CPSF4: variants seen among roughly 807,000 people sequenced by gnomAD.
CPSF4 encodes cleavage and polyadenylation specific factor 4, also known as cleavage and polyadenylation specificity factor subunit 4.
A neutral mutation model predicts 37.7 loss-of-function variants in CPSF4; 11 were observed. The observed-to-expected ratio is 0.29, with a 90% confidence interval of 0.18 to 0.48. The LOEUF is 0.48. CPSF4 is among the 20% of genes least tolerant of loss of function. The probability of loss-of-function intolerance (pLI) is 0.99; values close to 1 mark genes in which losing one functional copy is unlikely to be tolerated. For missense variants in CPSF4, 144 were observed against 359.5 expected (o/e 0.40, Z 4.85); for synonymous variants, 132 against 135.9 (o/e 0.97, Z 0.20).
chr7:99,441,665 G>GAT (rs1318324656), intron 1 of CPSF4, among the ~76,000 whole-genome samples: 1 of 151,986 alleles, frequency 6.6e-6, no homozygotes, highest in Non-Finnish European at 1.5e-5. Context: ...AACCTCTAAA[G>GAT]AGAGAGACCA....
chr7:99,451,305 C>T (rs1222659641), intron 5 of CPSF4, among the ~76,000 whole-genome samples: 2 of 152,178 alleles, frequency 1.3e-5, no homozygotes, highest in African/African-American at 2.4e-5. Flanking sequence ...GGTGGTGGCA[C>T]CTGGTCAAAG....
At position 99,440,666 on chromosome 7, in the gene CPSF4, ATATATATATT is replaced by A. The variant is rs1473172017; in HGVS notation, c.103+1483_103+1492del. Among the ~76,000 whole-genome samples, 254 of 85,350 alleles carry A rather than the reference ATATATATATT, an allele frequency of 3.0e-3. 9 individuals carry two copies. Among genetic ancestry groups the A allele is most frequent in the African/African-American group, 0.025 (246 of 9,716 alleles). The allele number at this position is 85,350 out of a possible 152,430, so 56.0% of individuals were successfully genotyped here. A position where few individuals can be genotyped will look rare whatever the true frequency, so the allele number is the denominator to read the frequency against. On this transcript the variant is annotated intron_variant, in intron 1 of 7. Transcript: ENST00000292476. ...GCCACTGCACCTGGCATATATATAT[ATATATATATT>A]TTTTTTTTTTTTTTTTTCCTGCCTG...
intron 1 of CPSF4, among the ~76,000 whole-genome samples, chr7:99,440,674 A>ATATATATATATTTTTTTTT: frequency 5.9e-4 from 52 of 88,064 alleles, no homozygotes; most frequent in East Asian, 4.4e-3. Flanking sequence ...ATATATATAT[A>ATATATATATATTTTTTTTT]TTTTTTTTTT....
chr7:99,440,661 T>TGC, intron 1 of CPSF4, among the ~76,000 whole-genome samples: 1 of 100,128 alleles, frequency 1.0e-5, no homozygotes, highest in Non-Finnish European at 1.7e-5. Context: ...CTGGCATATA[T>TGC]ATATATATAT....
Position 99,452,447 on chromosome 7 carries a change from T to A in CPSF4, c.570+7T>A. 1 of 1,612,806 alleles carries A rather than the reference T, an allele frequency of 6.2e-7. No individual in the cohort carries two copies. On this transcript the variant is annotated splice_region_variant and intron_variant, in intron 6 of 7. Transcript: ENST00000292476. ...GACACAGCCTCCAGCAAAGGTACCG[T>A]GCCTGGCCTTCCTCGGTAGGAAGGA... is the stretch of plus-strand genomic sequence containing the variant.
intron 7 of CPSF4, among the ~76,000 whole-genome samples, chr7:99,454,419 A>C (rs1403964514): frequency 6.6e-6 from 1 of 152,190 alleles, no homozygotes; most frequent in Non-Finnish European, 1.5e-5. Flanking sequence ...GGCCGGGAAC[A>C]AAATAGAAAC....
chr7:99,452,440 G>A lies in CPSF4; in HGVS notation c.570G>A (p.Lys190=). The A allele has an allele frequency of 6.2e-7, 1 of 1,613,734 alleles. No homozygotes were observed. Among genetic ancestry groups the A allele is most frequent in the Non-Finnish European group, 8.5e-7 (1 of 1,179,802 alleles). ...PLPQQTQPPA[K]QSNNPPLQRS... is the part of the protein sequence containing the mutation. ...CGCAGCAGACACAGCCTCCAGCAAA[G>A]GTACCGTGCCTGGCCTTCCTCGGTA... Residue 190 remains lysine, a splice_region_variant and synonymous_variant, in exon 6 of 8, where the codon AAG becomes AAA. Transcript: ENST00000292476.
chr7:99,450,436 T>C lies in CPSF4; in HGVS notation c.403+65T>C, dbSNP rs774911662. 170 of 1,176,266 alleles carry C rather than the reference T, an allele frequency of 1.4e-4. 1 individual carries two copies. The highest frequency in any genetic ancestry group is 4.1e-4 in the Middle Eastern group (2 of 4,928). The allele number at this position is 1,176,266 out of a possible 1,614,324, so 72.9% of individuals were successfully genotyped here. A position where few individuals can be genotyped will look rare whatever the true frequency, so the allele number is the denominator to read the frequency against. ...GTCCTCCCTTCTCTGCCCACGACCC[T>C]GGAGGCTGCCAGCTGGTCTACCTGT... On this transcript the variant is annotated intron_variant, in intron 4 of 7. Coordinates refer to ENST00000292476, the MANE Select transcript of CPSF4 (RefSeq NM_006693.4).
At chr7:99,442,961 T>C in intron 1 of CPSF4, 1 of 1,593,238 alleles carries the variant, frequency 6.3e-7, no homozygotes. Context: ...CAGCTGAACT[T>C]GTGACAATCC....
intron 7 of CPSF4, among the ~76,000 whole-genome samples, chr7:99,456,187 G>A (rs368252735): frequency 6.6e-6 from 1 of 152,208 alleles, no homozygotes. Context: ...GCCTTCTGGC[G>A]GCCTTGTTCT....
Position 99,454,149 on chromosome 7 carries a change from G to A in CPSF4, c.741+13G>A. On this transcript the variant is annotated intron_variant, in intron 7 of 7. Coordinates refer to ENST00000292476, the MANE Select transcript of CPSF4 (RefSeq NM_006693.4). The stretch of plus-strand genomic sequence containing the variant: ...CACCTGTTACAAGGTGAGTCCCTGG[G>A]CTGGGGGACAGGGTGGGGTCTTCCC... 2.5e-6 allele frequency: 4 copies of A among 1,609,754 alleles called. No homozygotes were observed. Among genetic ancestry groups the A allele is most frequent in the Non-Finnish European group, 3.4e-6 (4 of 1,177,272 alleles).
At chr7:99,450,172 T>C in intron 3 of CPSF4, 104 bp from the exon 4 acceptor site, 2 of 799,254 alleles carry the variant, frequency 2.5e-6, no homozygotes, top group African/African-American at 1.7e-5. Flanking sequence ...CTCTCAGGGC[T>C]CGTCAGGCCA....
At position 99,456,480 on chromosome 7, in the gene CPSF4, G is replaced by A; in HGVS notation, c.790G>A (p.Ala264Thr). 6.2e-7 allele frequency: 1 copy of A among 1,614,150 alleles called. No homozygotes were observed. Among genetic ancestry groups the A allele is most frequent in the Non-Finnish European group, 8.5e-7 (1 of 1,180,020 alleles). ...YANRCTKGHLAFLSGQ is the reference protein window; with the variant it reads ...YANRCTKGHLTFLSGQ ...CAACAGATGCACCAAAGGGCACTTGGCCTTTCTCAGTGGACAGTGACAGCA... is the reference window on the plus strand; with the variant it reads ...CAACAGATGCACCAAAGGGCACTTGACCTTTCTCAGTGGACAGTGACAGCA... The change falls in exon 8 of 8, where the codon GCC (alanine) becomes ACC (threonine). Residue 264 changes from alanine (A) to threonine (T), a missense_variant. Coordinates refer to ENST00000292476, the MANE Select transcript of CPSF4 (RefSeq NM_006693.4).
chr7:99,442,036 C>T (rs1297459806), intron 1 of CPSF4, among the ~76,000 whole-genome samples: 1 of 152,180 alleles, frequency 6.6e-6, no homozygotes, highest in Admixed American at 6.6e-5. Flanking sequence ...CTCCCTGTGA[C>T]AGCCATAAGT....
At chr7:99,452,489 C>T (rs372038020) in intron 6 of CPSF4, 49 bp downstream of exon 6, 182 of 1,522,036 alleles carry the variant, frequency 1.2e-4, no homozygotes, top group South Asian at 5.6e-4. Context: ...TTTTCTACAG[C>T]GAGAACCTCA....
At chr7:99,450,475 G>GA (rs1797855164) in intron 4 of CPSF4, 104 bp downstream of exon 4, 1 of 837,486 alleles carries the variant, frequency 1.2e-6, no homozygotes, top group Admixed American at 2.3e-5. Context: ...AGCAAAACCT[G>GA]ACATTCTGCA....
At position 99,456,533 on chromosome 7, in the gene CPSF4, G is replaced by A. The variant is rs2151020636; in HGVS notation, c.*33G>A. 6.3e-7 allele frequency: 1 copy of A among 1,599,726 alleles called. No individual in the cohort carries two copies. On this transcript the variant is annotated 3_prime_UTR_variant, in exon 8 of 8. Transcript: ENST00000292476. The stretch of plus-strand genomic sequence containing the variant: ...TGGAGCCAGCTCCGAGCAGCCCGGG[G>A]GCCCCGCTGTTGGGAGTGTGCATTT...
chr7:99,451,432 C>T (rs1036144868), intron 5 of CPSF4, among the ~76,000 whole-genome samples: 3 of 152,172 alleles, frequency 2.0e-5, no homozygotes, highest in Admixed American at 2.0e-4. Context: ...TGGTGAAACC[C>T]CGTCTCTACT....
At chr7:99,441,846 C>T (rs1162139176) in intron 1 of CPSF4, among the ~76,000 whole-genome samples, 1 of 152,104 alleles carries the variant, frequency 6.6e-6, no homozygotes. Context: ...CACGTGCCAC[C>T]ATGTCTGACT....
Sources: allele counts gnomAD v4.1 joint callset (sites outside exome capture counted in the v4.1 genomes callset), GRCh38; gene constraint gnomAD v4.1.1; transcripts MANE v1.5; gene names NCBI Gene and HGNC (gene_info 2026-07-23, HGNC 2026-07-21).